The following IL1RAPL2 variants were observed in gnomAD, a reference collection of about 807,000 sequenced individuals.
The protein encoded by IL1RAPL2 is interleukin 1 receptor accessory protein like 2.
In IL1RAPL2, 3 loss-of-function variants were observed where a neutral mutation model predicts 44.1. That is an observed-to-expected ratio of 0.07 (90% CI 0.03 to 0.18). The LOEUF (loss-of-function observed/expected upper bound fraction) is 0.18, where lower values mean the gene tolerates loss of function less well. IL1RAPL2 is among the 10% of genes least tolerant of loss of function. The probability of loss-of-function intolerance (pLI) is 1.00; values close to 1 mark genes in which losing one functional copy is unlikely to be tolerated. For missense variants in IL1RAPL2, 391 were observed against 496.4 expected, an observed-to-expected ratio of 0.79 and a Z score of 2.02; for synonymous variants, 181 against 178.8, an observed-to-expected ratio of 1.01 and a Z score of -0.10.
chrX:105,115,062 T>G (rs898649621), intron 2 of IL1RAPL2, among the ~76,000 whole-genome samples: 1 of 111,777 alleles, frequency 8.9e-6, no homozygotes, highest in Non-Finnish European at 1.9e-5. Flanking sequence ...CTCACTGACT[T>G]CAAGAATGAA....
chrX:104,959,760 C>T (rs1284582347), intron 2 of IL1RAPL2, among the ~76,000 whole-genome samples: 1 of 111,008 alleles, frequency 9.0e-6, no homozygotes, highest in Non-Finnish European at 1.9e-5. Flanking sequence ...CTTGACAAAA[C>T]ATTGGGCAAT....
At chrX:105,382,500 G>T (rs1159566203) in intron 5 of IL1RAPL2, among the ~76,000 whole-genome samples, 1 of 106,091 alleles carries the variant, frequency 9.4e-6, no homozygotes, top group Non-Finnish European at 1.9e-5. Flanking sequence ...GGAGAAATAG[G>T]AACACTTTTA....
At chrX:105,746,146 C>T (rs1030880382) in intron 8 of IL1RAPL2, among the ~76,000 whole-genome samples, 7 of 112,249 alleles carry the variant, frequency 6.2e-5, no homozygotes, top group African/African-American at 2.3e-4. Context: ...TCCCTCTCTC[C>T]AGTCCCTTGG....
chrX:104,950,208 T>A (rs1237952524), intron 2 of IL1RAPL2, among the ~76,000 whole-genome samples: 2 of 111,805 alleles, frequency 1.8e-5, no homozygotes, highest in Non-Finnish European at 3.8e-5. Flanking sequence ...CTTTGTTGGT[T>A]TAAAGTCTGT....
intron 1 of IL1RAPL2, among the ~76,000 whole-genome samples, chrX:104,634,077 A>G (rs967806175): frequency 9.0e-6 from 1 of 111,452 alleles, no homozygotes; most frequent in African/African-American, 3.3e-5. Context: ...GAACATCTTT[A>G]TTACTGCCTT....
At position 105,308,318 on chromosome X, in the gene IL1RAPL2, T is replaced by A. The variant is rs186166353; in HGVS notation, c.697+40777T>A. 4.7e-3 allele frequency among the ~76,000 whole-genome samples: 533 copies of A among 112,429 alleles called. 4 individuals carry two copies. The highest frequency in any genetic ancestry group is 0.016 in the African/African-American group (502 of 30,996). ...ATTCCTCCATGATAAGGTAGCCCAA[T>A]GAGTAGAATTCAATATGTGTTTACA... is the stretch of plus-strand genomic sequence containing the variant. On this transcript the variant is annotated intron_variant, in intron 5 of 10. Transcript: ENST00000372582.
At chrX:104,953,941 A>G (rs1925647655) in intron 2 of IL1RAPL2, among the ~76,000 whole-genome samples, 1 of 111,570 alleles carries the variant, frequency 9.0e-6, no homozygotes, top group African/African-American at 3.3e-5. Flanking sequence ...AGTGAATTGA[A>G]CAGTAGTGAG....
chrX:104,621,175 T>G (rs1929390187), intron 1 of IL1RAPL2, among the ~76,000 whole-genome samples: 1 of 106,178 alleles, frequency 9.4e-6, no homozygotes, highest in African/African-American at 3.4e-5. Flanking sequence ...CAAGGTCTAA[T>G]TAGAGAAGTC....
At chrX:104,827,411 G>T (rs960406491) in intron 2 of IL1RAPL2, among the ~76,000 whole-genome samples, 13 of 110,819 alleles carry the variant, frequency 1.2e-4, no homozygotes, top group Non-Finnish European at 1.9e-4. Flanking sequence ...TATGAAATTC[G>T]TGGTTGAAAA....
At chrX:105,381,599 T>C (rs2035430789) in intron 5 of IL1RAPL2, among the ~76,000 whole-genome samples, 1 of 111,818 alleles carries the variant, frequency 8.9e-6, no homozygotes. Context: ...TTAGCCAGTA[T>C]ACTTTTTCAT....
intron 2 of IL1RAPL2, among the ~76,000 whole-genome samples, chrX:104,816,835 A>G (rs1325971904): frequency 1.8e-5 from 2 of 112,233 alleles, no homozygotes; most frequent in Non-Finnish European, 3.8e-5. Context: ...AGTATTGCCT[A>G]TCTTAGAGGG....
chrX:105,278,411 G>C (rs1452962176), intron 5 of IL1RAPL2, among the ~76,000 whole-genome samples: 1 of 111,285 alleles, frequency 9.0e-6, no homozygotes, highest in Non-Finnish European at 1.9e-5. Context: ...ATCCATGGGA[G>C]CAGATTTTCC....
At chrX:104,849,846 T>C (rs926013067) in intron 2 of IL1RAPL2, among the ~76,000 whole-genome samples, 12 of 111,490 alleles carry the variant, frequency 1.1e-4, no homozygotes, top group Non-Finnish European at 1.7e-4. Context: ...ATTTTAACAA[T>C]TTTTATGAGT....
intron 2 of IL1RAPL2, among the ~76,000 whole-genome samples, chrX:104,924,488 CA>C (rs1209570736): frequency 1.8e-5 from 2 of 111,783 alleles, no homozygotes; most frequent in Non-Finnish European, 3.8e-5. Context: ...ACATTGCAAC[CA>C]TATCAAGTAT....
intron 6 of IL1RAPL2, among the ~76,000 whole-genome samples, chrX:105,502,479 T>G (rs1000030305): frequency 2.7e-5 from 3 of 111,582 alleles, no homozygotes; most frequent in Non-Finnish European, 3.8e-5. Context: ...CTAATCACTA[T>G]GTAAAATGAG....
intron 2 of IL1RAPL2, among the ~76,000 whole-genome samples, chrX:105,156,627 ATTTCT>A (rs1183605202): frequency 8.0e-5 from 9 of 112,196 alleles, no homozygotes; most frequent in Non-Finnish European, 1.3e-4. Flanking sequence ...AATTTGGTTC[ATTTCT>A]TTTCATTTGC....
At chrX:105,544,483 C>T (rs184434790) in intron 6 of IL1RAPL2, among the ~76,000 whole-genome samples, 2 of 110,122 alleles carry the variant, frequency 1.8e-5, no homozygotes, top group East Asian at 2.9e-4. Context: ...ATAGAAGTGG[C>T]GAAAGCAGAC....
chrX:104,602,659 G>C (rs923759794), intron 1 of IL1RAPL2, among the ~76,000 whole-genome samples: 1 of 110,965 alleles, frequency 9.0e-6, no homozygotes, highest in Non-Finnish European at 1.9e-5. Context: ...AGGGGAGTCC[G>C]CCATTGCTGA....
At position 105,640,654 on chromosome X, in the gene IL1RAPL2, G is replaced by GTATATATA. The variant is rs768814568; in HGVS notation, c.773-76682_773-76675dup. ...AAGTACACAAATTATGTATGTGTGTGTATATATATATATATATATATATAT... is the reference window on the plus strand; with the variant it reads ...AAGTACACAAATTATGTATGTGTGTGTATATATATATATATATATATATATATATATAT... On this transcript the variant is annotated intron_variant, in intron 6 of 10. Transcript: ENST00000372582. 4.5e-3 allele frequency among the ~76,000 whole-genome samples: 267 copies of GTATATATA among 59,448 alleles called. 4 individuals are homozygous for GTATATATA. The highest frequency in any genetic ancestry group is 7.1e-3 in the Non-Finnish European group (218 of 30,579). 51.6% of individuals were successfully genotyped at this position (59,448 alleles called of 115,157 possible).
Sources: allele counts gnomAD v4.1 joint callset (sites outside exome capture counted in the v4.1 genomes callset), GRCh38; gene constraint gnomAD v4.1.1; transcripts MANE v1.5; gene names NCBI Gene and HGNC (gene_info 2026-07-23, HGNC 2026-07-21).